The following LUZP2 variants were observed in gnomAD, a reference collection of about 807,000 sequenced individuals.
The protein encoded by LUZP2 is leucine zipper protein 2.
In LUZP2, 52 loss-of-function variants were observed where a neutral mutation model predicts 51.6. The ratio of observed to expected loss-of-function variants is 1.01; its 90% CI spans 0.81 to 1.27. The LOEUF is 1.27. Ranked by LOEUF, LUZP2 falls within the 50% of genes most tolerant of loss-of-function variation. The pLI, the probability that LUZP2 is intolerant of heterozygous loss-of-function variation, is 0.00. For missense variants in LUZP2, 436 were observed against 395.4 expected, an observed-to-expected ratio of 1.10 and a Z score of -0.87; for synonymous variants, 154 against 137.3, an observed-to-expected ratio of 1.12 and a Z score of -0.85.
intron 4 of LUZP2, among the ~76,000 whole-genome samples, chr11:24,743,754 T>C (rs562869641): frequency 3.3e-5 from 5 of 152,172 alleles, no homozygotes; most frequent in African/African-American, 1.2e-4. Context: ...AAGTGAACCA[T>C]CTTTGTCTTG....
At chr11:24,991,396 GTA>G (rs58483878) in intron 9 of LUZP2, among the ~76,000 whole-genome samples, 51,959 of 124,778 alleles carry the variant, frequency 0.42, 11,174 homozygotes, top group Middle Eastern at 0.5. Context: ...GTGTGTGTGT[GTA>G]TATATATATA....
intron 1 of LUZP2, among the ~76,000 whole-genome samples, chr11:24,526,480 G>A (rs1358372146): frequency 1.3e-5 from 2 of 149,316 alleles, no homozygotes; most frequent in African/African-American, 4.9e-5. Flanking sequence ...TTATAATGCA[G>A]TGTAATGTGG....
At chr11:24,834,833 C>G (rs1850811565) in intron 5 of LUZP2, among the ~76,000 whole-genome samples, 1 of 152,176 alleles carries the variant, frequency 6.6e-6, no homozygotes. Context: ...TTGCATTTCT[C>G]TAATGACCAG....
intron 5 of LUZP2, among the ~76,000 whole-genome samples, chr11:24,846,769 T>A (rs1851211584): frequency 6.6e-6 from 1 of 152,032 alleles, no homozygotes; most frequent in African/African-American, 2.4e-5. Context: ...AATCCGCAGT[T>A]ATTTGACAGT....
intron 9 of LUZP2, among the ~76,000 whole-genome samples, chr11:24,990,359 A>C (rs1392517603): frequency 6.6e-6 from 1 of 152,100 alleles, no homozygotes; most frequent in African/African-American, 2.4e-5. Context: ...TTTATATGTA[A>C]AATTTAAATT....
At chr11:25,051,522 G>A (rs1180711861) in intron 10 of LUZP2, among the ~76,000 whole-genome samples, 1 of 152,146 alleles carries the variant, frequency 6.6e-6, no homozygotes, top group Non-Finnish European at 1.5e-5. Context: ...TGAAGCACGG[G>A]TAGGTCTTTG....
At chr11:24,818,856 T>A (rs147297411) in intron 5 of LUZP2, among the ~76,000 whole-genome samples, 300 of 152,210 alleles carry the variant, frequency 2.0e-3, no homozygotes, top group African/African-American at 7.1e-3. Flanking sequence ...TTACATAATG[T>A]CCATCTTATC....
intron 1 of LUZP2, among the ~76,000 whole-genome samples, chr11:24,559,694 T>C (rs1851974037): frequency 1.3e-5 from 2 of 152,258 alleles, no homozygotes; most frequent in South Asian, 4.1e-4. Context: ...AAAATGAATA[T>C]GGAAAGTCAA....
intron 5 of LUZP2, among the ~76,000 whole-genome samples, chr11:24,896,456 G>A (rs755965427): frequency 6.9e-4 from 105 of 152,266 alleles, no homozygotes; most frequent in Non-Finnish European, 8.7e-4. Flanking sequence ...CAGAGGGGGC[G>A]CCGGGTCCCC....
At chr11:24,504,459 C>T (rs988665575) in intron 1 of LUZP2, among the ~76,000 whole-genome samples, 9 of 152,084 alleles carry the variant, frequency 5.9e-5, no homozygotes. Flanking sequence ...AAGCTCTTTG[C>T]CTTTGAATAT....
At chr11:24,816,466 G>C (rs748997627) in intron 5 of LUZP2, among the ~76,000 whole-genome samples, 2 of 151,958 alleles carry the variant, frequency 1.3e-5, no homozygotes, top group African/African-American at 2.4e-5. Flanking sequence ...GTGAAATTTA[G>C]TGGCACTTAT....
At chr11:24,919,991 G>T (rs930677638) in intron 7 of LUZP2, among the ~76,000 whole-genome samples, 3 of 151,654 alleles carry the variant, frequency 2.0e-5, no homozygotes, top group Non-Finnish European at 4.4e-5. Context: ...GACAAGTTGT[G>T]TTCCTTTAAG....
At chr11:24,659,751 A>G (rs1441775684) in intron 1 of LUZP2, among the ~76,000 whole-genome samples, 1 of 152,162 alleles carries the variant, frequency 6.6e-6, no homozygotes, top group Non-Finnish European at 1.5e-5. Flanking sequence ...ATGTTGTAAT[A>G]TATGTGCTTC....
intron 1 of LUZP2, among the ~76,000 whole-genome samples, chr11:24,641,906 GT>G (rs1452316362): frequency 1.3e-5 from 2 of 151,832 alleles, no homozygotes; most frequent in Non-Finnish European, 1.5e-5. Flanking sequence ...TATTATTATT[GT>G]TTTTTGAGAT....
At chr11:24,648,452 C>G (rs1185048699) in intron 1 of LUZP2, among the ~76,000 whole-genome samples, 2 of 151,912 alleles carry the variant, frequency 1.3e-5, no homozygotes, top group Non-Finnish European at 2.9e-5. Context: ...AGCCAATGGC[C>G]TCTTTTCCTA....
chr11:24,990,801 G>A (rs76535245), intron 9 of LUZP2, among the ~76,000 whole-genome samples: 89 of 151,894 alleles, frequency 5.9e-4, no homozygotes, highest in East Asian at 4.8e-3. Context: ...CATAATTCTA[G>A]CCTTTTTATT....
chr11:24,702,110 T>C (rs918542234), intron 1 of LUZP2, among the ~76,000 whole-genome samples: 1 of 152,208 alleles, frequency 6.6e-6, no homozygotes, highest in Non-Finnish European at 1.5e-5. Flanking sequence ...AATCTGAGTA[T>C]GTAGTGTATA....
rs1261028007 is a variant in LUZP2, at chr11:25,022,937, A to G, written c.766-27101A>G. Reference sequence around the variant, plus strand: ...GATTTTTGTCTTTGGTTCTGTTTATATGATGGATTATGTTTATTGATTTGC... The same window carrying G: ...GATTTTTGTCTTTGGTTCTGTTTATGTGATGGATTATGTTTATTGATTTGC... On this transcript the variant is annotated intron_variant, in intron 9 of 11. Coordinates refer to ENST00000336930, the MANE Select transcript of LUZP2 (RefSeq NM_001009909.4). 3.3e-5 allele frequency among the ~76,000 whole-genome samples: 5 copies of G among 151,984 alleles called. No individual in the cohort carries two copies. The East Asian group carries it at 9.7e-4, about 29-fold the overall frequency.
chr11:24,990,874 C>G lies in LUZP2; in HGVS notation c.765+7581C>G, dbSNP rs187748933. Among the ~76,000 whole-genome samples the G allele has an allele frequency of 1.0e-3, 155 of 152,034 alleles. 2 individuals carry two copies. Among genetic ancestry groups the G allele is most frequent in the Non-Finnish European group, 3.8e-4 (26 of 67,948 alleles). ...TCATAATGCTGGTGAACTTCTACCC[C>G]CCTTTCATGGGTTCATCTCAAATGT... On this transcript the variant is annotated intron_variant, in intron 9 of 11. Transcript: ENST00000336930.
Sources: allele counts gnomAD v4.1 joint callset (sites outside exome capture counted in the v4.1 genomes callset), GRCh38; gene constraint gnomAD v4.1.1; transcripts MANE v1.5; gene names NCBI Gene and HGNC (gene_info 2026-07-23, HGNC 2026-07-21).